Variants in ELAC2 observed in about 807,000 individuals in gnomAD.
The protein encoded by ELAC2 is elaC ribonuclease Z 2, also known as zinc phosphodiesterase ELAC protein 2.
In ELAC2, 92 loss-of-function variants were observed where a neutral mutation model predicts 105.2. The observed-to-expected ratio is 0.87, with a 90% confidence interval of 0.74 to 1.04. ELAC2 has a LOEUF of 1.04. ELAC2 is among the 50% of genes least tolerant of loss of function. The pLI, the probability that ELAC2 is intolerant of heterozygous loss-of-function variation, is 0.00. For missense variants in ELAC2, 1,099 were observed against 1,071.7 expected (o/e 1.03, Z -0.36); for synonymous variants, 468 against 409.1 (o/e 1.14, Z -1.74).
rs1300667878 is a variant in ELAC2 at position 12,992,982 on chromosome 17, C to T, written c.2317G>A (p.Gly773Ser). The change falls in exon 24 of 24, where the codon GGC becomes AGC. Residue 773 changes from glycine (G) to serine (S), a missense_variant. Gly to Ser is a moderately conservative substitution (Grantham distance 56). Transcript: ENST00000338034. ...CGCTCCTCCATCTCCTCGATGTCGC[C>T]AGCAAACAGGGCTTTCAGTGGGGGA... ...LIPPLKALFAGDIEEMEERRE... is the reference protein window; with the variant it reads ...LIPPLKALFASDIEEMEERRE... 1 of 1,606,262 alleles carries T rather than the reference C, an allele frequency of 6.2e-7. No homozygotes were observed.
chr17:13,011,230 T>C (rs1272187274), intron 7 of ELAC2, among the ~76,000 whole-genome samples: 1 of 152,354 alleles, frequency 6.6e-6, no homozygotes, highest in South Asian at 2.1e-4. Flanking sequence ...TCTTGGACTT[T>C]TAACTCCGTT....
rs2040885128 is a variant in ELAC2, at chr17:13,002,726, C to T, written c.1080-147G>A. The T allele has an allele frequency of 2.3e-6, 3 of 1,279,958 alleles. No homozygotes were observed. The East Asian group carries it at 7.6e-5, about 32-fold the overall frequency. The allele number at this position is 1,279,958 out of a possible 1,614,324, so 79.3% of individuals were successfully genotyped here. A position where few individuals can be genotyped will look rare whatever the true frequency, so the allele number is the denominator to read the frequency against. On this transcript the variant is annotated intron_variant, in intron 12 of 23. Transcript: ENST00000338034. ...CAAGCAGTGTTACTACATGGCCAAACATGGTCCCACTCCTGCTGTCTCAAA... is the reference window on the plus strand; with the variant it reads ...CAAGCAGTGTTACTACATGGCCAAATATGGTCCCACTCCTGCTGTCTCAAA...
chr17:13,002,610 G>A (rs544970541), intron 12 of ELAC2, 31 bp from the exon 13 acceptor site: 36 of 1,577,176 alleles, frequency 2.3e-5, no homozygotes, highest in South Asian at 1.3e-4. Context: ...CATTTGCAGC[G>A]TCTGTTAGGA....
chr17:13,005,143 A>C, intron 10 of ELAC2, 42 bp from the exon 11 acceptor site: 5 of 1,428,260 alleles, frequency 3.5e-6, no homozygotes, highest in Non-Finnish European at 4.9e-6. Flanking sequence ...GTCACAGCTC[A>C]GCCACCAAAC....
chr17:13,009,861 C>T (rs531849131), intron 8 of ELAC2, among the ~76,000 whole-genome samples: 1 of 152,052 alleles, frequency 6.6e-6, no homozygotes, highest in East Asian at 1.9e-4. Flanking sequence ...TGGTGGCGCG[C>T]ACCTATAATC....
chr17:12,995,784 A>C lies in ELAC2; in HGVS notation c.1727T>G (p.Leu576Trp). Residue 576 changes from leucine to tryptophan, a missense_variant, in exon 19 of 24, where the codon TTG (leucine) becomes TGG (tryptophan). Leu to Trp is a moderately conservative substitution (Grantham distance 61). Coordinates refer to ENST00000338034, the MANE Select transcript of ELAC2 (RefSeq NM_018127.7). ...LASLGKPLHP[L>W]LVVAPNQLKA... is the part of the protein sequence containing the mutation. ...GAGCTGGTTGGGGGCAACCACCAGC[A>C]AAGGGTGAAGCGGCTTTCCCAAAGA... is the stretch of plus-strand genomic sequence containing the variant. 6.2e-7 allele frequency: 1 copy of C among 1,612,746 alleles called. No individual in the cohort carries two copies. Among genetic ancestry groups the C allele is most frequent in the Non-Finnish European group, 8.5e-7 (1 of 1,179,458 alleles).
chr17:13,010,631 G>A lies in ELAC2; in HGVS notation c.720C>T (p.Val240=), dbSNP rs765014399. ...QRRGVRDSSL[V]VAFICKLHLK... is the part of the protein sequence containing the mutation. Reference sequence around the variant, plus strand: ...TCCTTACCTTACAGATGAAAGCTACGACCAGGGAAGAGTCCCTGACCCCTC... The same window carrying A: ...TCCTTACCTTACAGATGAAAGCTACAACCAGGGAAGAGTCCCTGACCCCTC... Residue 240 remains valine (V), a synonymous_variant, in exon 8 of 24, where the codon GTC becomes GTT. Transcript: ENST00000338034. The A allele has an allele frequency of 3.7e-6, 6 of 1,614,040 alleles. No homozygotes were observed. The highest frequency in any genetic ancestry group is 3.3e-5 in the Admixed American group (2 of 60,026).
chr17:13,000,409 T>A, intron 14 of ELAC2, 135 bp from the exon 15 acceptor site: 1 of 843,290 alleles, frequency 1.2e-6, no homozygotes, highest in East Asian at 2.5e-5. Flanking sequence ...GAAGGTTAAG[T>A]GACTAGGATC....
chr17:13,011,087 T>C (rs952820339), intron 7 of ELAC2, among the ~76,000 whole-genome samples: 2 of 152,216 alleles, frequency 1.3e-5, no homozygotes, highest in African/African-American at 4.8e-5. Flanking sequence ...GGACAGCACA[T>C]AGGGGTCAGC....
At chr17:13,003,425 A>G (rs772070391) in intron 12 of ELAC2, 54 bp downstream of exon 12, 2 of 1,524,248 alleles carry the variant, frequency 1.3e-6, no homozygotes, top group Non-Finnish European at 1.8e-6. Context: ...GGAAAGGGGA[A>G]TCCACCACTG....
In ELAC2 at chr17:12,992,927, C is replaced by A; in HGVS notation, c.2372G>T (p.Arg791Leu). The A allele has an allele frequency of 1.2e-6, 2 of 1,611,342 alleles. No individual in the cohort carries two copies. The highest frequency in any genetic ancestry group is 1.7e-6 in the Non-Finnish European group (2 of 1,180,026). ...CAGCTCCCTGGACAGGAGGGCCGCC[C>A]GCACCTGCCGCAGCTCCCGCTTCTC... ...RREKRELRQV[R>L]AALLSRELAG... The change falls in exon 24 of 24, where the codon CGG becomes CTG. Residue 791 changes from arginine (R) to leucine (L), a missense_variant. Physicochemically the swap from Arg to Leu is moderately radical, Grantham distance 102. Transcript: ENST00000338034.
rs200893345 is a variant in ELAC2 at position 13,016,868 on chromosome 17, A to G, written c.361T>C (p.Leu121=). The change falls in exon 3 of 24, where the codon TTA becomes CTA. Residue 121 remains leucine (L), a synonymous_variant. Coordinates refer to ENST00000338034, the MANE Select transcript of ELAC2 (RefSeq NM_018127.7). The part of the protein sequence containing the change: ...TRMHWSNVGG[L]SGMILTLKET... ...CTGCAAAGAATATACTCACCACTTA[A>G]GCCCCCAACATTAGACCAGTGCATT... The G allele has an allele frequency of 2.0e-5, 33 of 1,614,026 alleles. No homozygotes were observed. Among genetic ancestry groups the G allele is most frequent in the Admixed American group, 8.3e-5 (5 of 59,992 alleles).
intron 9 of ELAC2, 36 bp from the exon 10 acceptor site, chr17:13,005,861 T>C: frequency 6.2e-7 from 1 of 1,614,128 alleles, no homozygotes; most frequent in Non-Finnish European, 8.5e-7. Context: ...TGAAATGTGA[T>C]TTCCTTAAGT....
chr17:13,017,449 G>T lies in ELAC2; in HGVS notation c.245+254C>A, dbSNP rs1036682719. On this transcript the variant is annotated intron_variant, in intron 1 of 23. Coordinates refer to ENST00000338034, the MANE Select transcript of ELAC2 (RefSeq NM_018127.7). ...CGGAAGAGGGTGGAGCTCCGAAAGT[G>T]CTGACAGCCAGGCCGGGGCCCAAGG... 11 of 722,346 alleles carry T rather than the reference G, an allele frequency of 1.5e-5. No homozygotes were observed. In the Admixed American group the frequency reaches 2.6e-4, roughly 17 times the overall value. The allele number at this position is 722,346 out of a possible 1,614,324, so 44.7% of individuals were successfully genotyped here.
intron 8 of ELAC2, among the ~76,000 whole-genome samples, chr17:13,009,834 C>G (rs1264152931): frequency 6.6e-6 from 1 of 151,952 alleles, no homozygotes; most frequent in Admixed American, 6.6e-5. Flanking sequence ...ACTAAAAATA[C>G]AAAAATTAAC....
chr17:13,016,228 C>A lies in ELAC2; in HGVS notation c.368-396G>T, dbSNP rs114228643. 7.5e-4 allele frequency among the ~76,000 whole-genome samples: 114 copies of A among 152,358 alleles called. 1 individual carries two copies. Among genetic ancestry groups the A allele is most frequent in the African/African-American group, 2.5e-3 (102 of 41,578 alleles). ...AATTTGGCTGCAACACAATCCTGAC[C>A]TTCCGGTTGATAGACATAAATGACA... is the stretch of plus-strand genomic sequence containing the variant. On this transcript the variant is annotated intron_variant, in intron 3 of 23. Transcript: ENST00000338034.
chr17:13,016,877 C>T lies in ELAC2; in HGVS notation c.352G>A (p.Val118Ile), dbSNP rs1906915211. The T allele has an allele frequency of 1.9e-6, 3 of 1,614,044 alleles. No homozygotes were observed. Among genetic ancestry groups the T allele is most frequent in the Non-Finnish European group, 2.5e-6 (3 of 1,180,026 alleles). ...ATATACTCACCACTTAAGCCCCCAA[C>T]ATTAGACCAGTGCATTCGTGTCAGG... ...IFLTRMHWSN[V>I]GGLSGMILTL... is the part of the protein sequence containing the mutation. The change falls in exon 3 of 24, where the codon GTT (valine) becomes ATT (isoleucine). Residue 118 changes from valine (V) to isoleucine (I), a missense_variant. Physicochemically the swap from Val to Ile is conservative, Grantham distance 29. Coordinates refer to ENST00000338034, the MANE Select transcript of ELAC2 (RefSeq NM_018127.7).
rs1012640664 is a variant in ELAC2, at chr17:12,995,873, C to T, written c.1699-61G>A. 30 of 1,584,774 alleles carry T rather than the reference C, an allele frequency of 1.9e-5. No homozygotes were observed. The African/African-American group carries it at 3.9e-4, about 21-fold the overall frequency. ...GAACATCTCAATAAAAACTGGAGTGCCAAGAGGCATGGCGGATGATGTGTA... is the reference window on the plus strand; with the variant it reads ...GAACATCTCAATAAAAACTGGAGTGTCAAGAGGCATGGCGGATGATGTGTA... On this transcript the variant is annotated intron_variant, in intron 18 of 23. Coordinates refer to ENST00000338034, the MANE Select transcript of ELAC2 (RefSeq NM_018127.7).
rs2040382257 is a variant in ELAC2 at position 12,994,762 on chromosome 17, A to C, written c.2029+2T>G. ...GGGTGGCTTGCTTCTTCCTCTACTC[A>C]CCCATCCGGACCAGAGCCTCGCAGG... On this transcript the variant is annotated splice_donor_variant, in intron 21 of 23. Coordinates refer to ENST00000338034, the MANE Select transcript of ELAC2 (RefSeq NM_018127.7). LOFTEE classifies it high-confidence loss of function. 6.2e-7 allele frequency: 1 copy of C among 1,613,388 alleles called. No individual in the cohort carries two copies. The highest frequency in any genetic ancestry group is 8.5e-7 in the Non-Finnish European group (1 of 1,179,956).
Sources: gnomAD v4.1 joint callset for allele counts (sites outside exome capture counted in the v4.1 genomes callset) on GRCh38, gnomAD v4.1.1 for gene constraint, MANE v1.5 for transcripts, NCBI Gene and HGNC (gene_info 2026-07-23, HGNC 2026-07-21) for gene names.